Variants in PAPSS1 observed in about 807,000 individuals in gnomAD.
PAPSS1 encodes bifunctional 3'-phosphoadenosine 5'-phosphosulfate synthase 1.
A neutral mutation model predicts 72.0 loss-of-function variants in PAPSS1; 50 were observed. The ratio of observed to expected loss-of-function variants is 0.69; its 90% confidence interval spans 0.55 to 0.88. PAPSS1 has a LOEUF of 0.88. Ranked by LOEUF, PAPSS1 falls within the 40% of genes least tolerant of loss-of-function variation. PAPSS1 has a pLI of 0.00. For missense variants in PAPSS1, 657 were observed against 782.2 expected, an observed-to-expected ratio of 0.84 and a Z score of 1.91; for synonymous variants, 261 against 263.6, an observed-to-expected ratio of 0.99 and a Z score of 0.09.
Position 107,663,044 on chromosome 4 carries a change from T to C in PAPSS1, c.670-2972A>G, listed in dbSNP as rs77913398. Among the ~76,000 whole-genome samples the C allele has an allele frequency of 6.0e-3, 918 of 152,306 alleles. 9 individuals are homozygous for C. The highest frequency in any genetic ancestry group is 0.02 in the African/African-American group (811 of 41,554). ...AGCTACAAAGTAAAGAATTGAAATC[T>C]TCTATGCTAGGGGGAGAAAACACTA... On this transcript the variant is annotated intron_variant, in intron 5 of 11. Coordinates refer to ENST00000265174, the MANE Select transcript of PAPSS1 (RefSeq NM_005443.5).
chr4:107,711,321 G>T (rs1046529247), intron 1 of PAPSS1, among the ~76,000 whole-genome samples: 1 of 152,130 alleles, frequency 6.6e-6, no homozygotes, highest in Non-Finnish European at 1.5e-5. Flanking sequence ...TGCATTTTCT[G>T]TACATACTAC....
chr4:107,650,961 T>G (rs1726823491), intron 9 of PAPSS1, among the ~76,000 whole-genome samples: 1 of 152,196 alleles, frequency 6.6e-6, no homozygotes, highest in Admixed American at 6.5e-5. Flanking sequence ...GCATTGACCC[T>G]TAAATCACAC....
chr4:107,650,208 T>C (rs1726803093), intron 9 of PAPSS1, among the ~76,000 whole-genome samples: 1 of 152,214 alleles, frequency 6.6e-6, no homozygotes, highest in African/African-American at 2.4e-5. Context: ...GTTATTGGCT[T>C]CCTAAAAGAG....
intron 9 of PAPSS1, among the ~76,000 whole-genome samples, chr4:107,645,941 A>G (rs1017958206): frequency 4.6e-5 from 7 of 152,198 alleles, no homozygotes; most frequent in African/African-American, 1.7e-4. Flanking sequence ...AACAAAAGGT[A>G]CCACAGGAAG....
chr4:107,710,920 T>C lies in PAPSS1; in HGVS notation c.60+9200A>G, dbSNP rs556336262. ...CCAAATGATGAACCTTCTCATGTTATGGCTACATGGCTGTGATAACAAGTG... is the reference window on the plus strand; with the variant it reads ...CCAAATGATGAACCTTCTCATGTTACGGCTACATGGCTGTGATAACAAGTG... On this transcript the variant is annotated intron_variant, in intron 1 of 11. Coordinates refer to ENST00000265174, the MANE Select transcript of PAPSS1 (RefSeq NM_005443.5). Among the ~76,000 whole-genome samples the C allele has an allele frequency of 7.8e-4, 119 of 152,368 alleles. 2 individuals carry two copies. The South Asian group carries it at 0.024, about 31-fold the overall frequency.
At chr4:107,648,560 ATCT>A (rs2110314420) in intron 9 of PAPSS1, among the ~76,000 whole-genome samples, 1 of 152,270 alleles carries the variant, frequency 6.6e-6, no homozygotes, top group Admixed American at 6.5e-5. Context: ...GAATTACAAC[ATCT>A]TCTTGCTTCT....
intron 5 of PAPSS1, among the ~76,000 whole-genome samples, chr4:107,671,416 T>C (rs1009738659): frequency 2.6e-5 from 4 of 151,936 alleles, no homozygotes; most frequent in Admixed American, 1.3e-4. Flanking sequence ...GGGAAGAAGG[T>C]GGGAGAAACC....
At chr4:107,683,825 T>C (rs1722698477) in intron 4 of PAPSS1, among the ~76,000 whole-genome samples, 2 of 152,072 alleles carry the variant, frequency 1.3e-5, no homozygotes, top group Admixed American at 6.6e-5. Context: ...CTGGAATATA[T>C]ACCATTACAG....
chr4:107,632,035 C>T (rs1726237600), intron 10 of PAPSS1, among the ~76,000 whole-genome samples, 175 bp from the exon 11 acceptor site: 1 of 151,884 alleles, frequency 6.6e-6, no homozygotes, highest in South Asian at 2.1e-4. Flanking sequence ...AAACAAAAAC[C>T]TCCCCCAAAC....
chr4:107,631,010 C>T (rs1726212769), intron 11 of PAPSS1, among the ~76,000 whole-genome samples: 1 of 142,174 alleles, frequency 7.0e-6, no homozygotes, highest in African/African-American at 2.6e-5. Flanking sequence ...TTGTTTCATG[C>T]ACAAAATTAT....
chr4:107,633,212 A>G (rs776302244), intron 10 of PAPSS1, among the ~76,000 whole-genome samples: 3 of 152,240 alleles, frequency 2.0e-5, no homozygotes, highest in Non-Finnish European at 2.9e-5. Flanking sequence ...CAACAGGTAC[A>G]GTGATATCAA....
At chr4:107,674,125 C>T (rs1727574334) in intron 5 of PAPSS1, among the ~76,000 whole-genome samples, 1 of 151,958 alleles carries the variant, frequency 6.6e-6, no homozygotes, top group African/African-American at 2.4e-5. Context: ...ACCGCATCAA[C>T]TAATGAGCAA....
At chr4:107,720,005 T>A in intron 1 of PAPSS1, 115 bp downstream of exon 1, 1 of 1,511,360 alleles carries the variant, frequency 6.6e-7, no homozygotes, top group Non-Finnish European at 8.8e-7. Context: ...GGAACCCACC[T>A]CCGCGCTCCT....
chr4:107,716,376 G>C (rs1209279087), intron 1 of PAPSS1, among the ~76,000 whole-genome samples: 1 of 152,234 alleles, frequency 6.6e-6, no homozygotes, highest in African/African-American at 2.4e-5. Flanking sequence ...CCATGAGGAT[G>C]TATGATATGG....
chr4:107,715,614 G>A (rs562393033), intron 1 of PAPSS1, among the ~76,000 whole-genome samples: 8 of 152,290 alleles, frequency 5.3e-5, no homozygotes, highest in African/African-American at 1.9e-4. Context: ...TTGGTAAAAG[G>A]GAAAATTATT....
intron 3 of PAPSS1, among the ~76,000 whole-genome samples, chr4:107,690,081 G>C (rs1333379090): frequency 6.6e-6 from 1 of 152,148 alleles, no homozygotes; most frequent in Admixed American, 6.5e-5. Context: ...GCTACGGCAA[G>C]CCTCCTGGCT....
chr4:107,704,627 T>C (rs1210775341), intron 1 of PAPSS1, among the ~76,000 whole-genome samples: 12 of 152,202 alleles, frequency 7.9e-5, no homozygotes, highest in Non-Finnish European at 1.8e-4. Context: ...TTGCCCTACA[T>C]TCTGTTAGTG....
intron 10 of PAPSS1, 42 bp from the exon 11 acceptor site, chr4:107,631,902 C>T (rs2110302633): frequency 1.6e-6 from 2 of 1,289,034 alleles, no homozygotes; most frequent in Non-Finnish European, 2.2e-6. Context: ...GCTTTTATGA[C>T]TATGTACTTA....
At chr4:107,717,729 C>A (rs1028984951) in intron 1 of PAPSS1, among the ~76,000 whole-genome samples, 19 of 152,186 alleles carry the variant, frequency 1.2e-4, no homozygotes, top group Non-Finnish European at 2.4e-4. Context: ...ATCACCCTTA[C>A]CCCCGTGCCC....
Sources: allele counts gnomAD v4.1 joint callset (sites outside exome capture counted in the v4.1 genomes callset), GRCh38; gene constraint gnomAD v4.1.1; transcripts MANE v1.5; gene names NCBI Gene and HGNC (gene_info 2026-07-23, HGNC 2026-07-21).